Variants in STAT4 observed in about 807,000 individuals in gnomAD.
STAT4 encodes the protein signal transducer and activator of transcription 4.
Under a neutral mutation model 110.5 loss-of-function variants are expected in STAT4, and 42 were observed. That is an observed-to-expected ratio of 0.38 (90% CI 0.30 to 0.49). STAT4 has a LOEUF of 0.49. Among genes scored for constraint, STAT4 ranks in the 20% least tolerant of loss-of-function variants. The pLI, the probability that STAT4 is intolerant of heterozygous loss-of-function variation, is 0.95. For synonymous variants in STAT4, 284 were observed against 302.2 expected (o/e 0.94, Z 0.63); for missense variants, 632 against 887.9 (o/e 0.71, Z 3.66).
At chr2:191,057,916 A>C in intron 13 of STAT4, 102 bp downstream of exon 13, 2 of 1,106,156 alleles carry the variant, frequency 1.8e-6, no homozygotes, top group Non-Finnish European at 2.7e-6. Flanking sequence ...ATTTCAAATA[A>C]GAAATATTTA....
At chr2:191,076,017 T>G in intron 4 of STAT4, 1 of 499,206 alleles carries the variant, frequency 2.0e-6, no homozygotes. Context: ...AGCCAACTAA[T>G]TTTTAATTTT....
At chr2:191,126,485 T>C (rs1428400505) in intron 3 of STAT4, among the ~76,000 whole-genome samples, 1 of 152,242 alleles carries the variant, frequency 6.6e-6, no homozygotes, top group Non-Finnish European at 1.5e-5. Context: ...CAATAGATAG[T>C]GAAAATCAAC....
rs56004412 is a variant in STAT4, at chr2:191,042,776, T to A, written c.1252-1628A>T. On this transcript the variant is annotated intron_variant, in intron 14 of 23. Coordinates refer to ENST00000392320, the MANE Select transcript of STAT4 (RefSeq NM_003151.4). The surrounding 1 kb of genome is among the most constrained non-coding windows in gnomAD (Gnocchi z 4.2). ...GCTTAAATTCATTCATTGTATTCTCTCTTTTTTTTTTTTCTTTTTTGAGAT... is the reference window on the plus strand; with the variant it reads ...GCTTAAATTCATTCATTGTATTCTCACTTTTTTTTTTTTCTTTTTTGAGAT... 3.8e-4 allele frequency among the ~76,000 whole-genome samples: 50 copies of A among 131,760 alleles called. 1 individual carries two copies. Among genetic ancestry groups the A allele is most frequent in the Non-Finnish European group, 5.7e-4 (36 of 63,046 alleles). 86.4% of individuals were successfully genotyped at this position (131,760 alleles called of 152,430 possible).
In STAT4 at chr2:191,090,753, G is replaced by T. The variant is rs1697775405; in HGVS notation, c.274-14428C>A. 6.6e-6 allele frequency among the ~76,000 whole-genome samples: 1 copy of T among 151,988 alleles called. No individual in the cohort carries two copies. The highest frequency in any genetic ancestry group is 2.1e-4 in the South Asian group (1 of 4,824). The stretch of plus-strand genomic sequence containing the variant: ...TTTTTTGTATTTTTAGTAGAGACAG[G>T]GTTTCACCGTGTTAGCCTGACACCG... On this transcript the variant is annotated intron_variant, in intron 3 of 23. Coordinates refer to ENST00000392320, the MANE Select transcript of STAT4 (RefSeq NM_003151.4). The surrounding 1 kb of genome is among the most constrained non-coding windows in gnomAD (Gnocchi z 4.2).
At chr2:191,049,213 C>T (rs565121916) in intron 14 of STAT4, among the ~76,000 whole-genome samples, 11 of 128,330 alleles carry the variant, frequency 8.6e-5, no homozygotes, top group Non-Finnish European at 1.7e-4. Context: ...CTCGCTCTGT[C>T]ACCCAGGCTG....
intron 3 of STAT4, among the ~76,000 whole-genome samples, chr2:191,094,770 G>A (rs1045289368): frequency 6.6e-6 from 1 of 152,020 alleles, no homozygotes; most frequent in Non-Finnish European, 1.5e-5. Context: ...TGGACTGAAT[G>A]CCACAGTTAA....
chr2:191,086,195 A>G lies in STAT4; in HGVS notation c.274-9870T>C, dbSNP rs1697628653. Among the ~76,000 whole-genome samples, 1 of 152,220 alleles carries G rather than the reference A, an allele frequency of 6.6e-6. No individual in the cohort carries two copies. The highest frequency in any genetic ancestry group is 1.5e-5 in the Non-Finnish European group (1 of 68,038). ...CTTTGAGGAATTGGGATTGATGTAC[A>G]GAGCCCATAAAAGCCCTTTGGAAAA... On this transcript the variant is annotated intron_variant, in intron 3 of 23. Coordinates refer to ENST00000392320, the MANE Select transcript of STAT4 (RefSeq NM_003151.4). The surrounding 1 kb of genome is among the most constrained non-coding windows in gnomAD (Gnocchi z 5.5).
At position 191,062,781 on chromosome 2, in the gene STAT4, T is replaced by C. The variant is rs772150342; in HGVS notation, c.922A>G (p.Ile308Val). The C allele has an allele frequency of 6.2e-7, 1 of 1,613,838 alleles. No individual in the cohort carries two copies. Among genetic ancestry groups the C allele is most frequent in the South Asian group, 1.1e-5 (1 of 91,078 alleles). The change falls in exon 9 of 24, where the codon ATC becomes GTC. Residue 308 changes from isoleucine to valine, a missense_variant. Physicochemically the swap from Ile to Val is conservative, Grantham distance 29. Around this residue, in one of 4 missense-constraint regions of STAT4, gnomAD observed 488 missense variants for 632.8 expected, o/e 0.77. Coordinates refer to ENST00000392320, the MANE Select transcript of STAT4 (RefSeq NM_003151.4). This position sits in a 1 kb window ranked among gnomAD's most constrained non-coding sequence, Gnocchi z 4.9. ...THMLERVTFL[I>V]YNLFKNSFVV... ...ACTTACTTCTTGAAAAGGTTGTAGA[T>C]CAAGAAGGTGACTCTTTCTAGCATG... is the stretch of plus-strand genomic sequence containing the variant.
chr2:191,045,339 C>T (rs982644963), intron 14 of STAT4, among the ~76,000 whole-genome samples: 1 of 152,166 alleles, frequency 6.6e-6, no homozygotes, highest in Non-Finnish European at 1.5e-5. Context: ...TCATTCCAGG[C>T]TTACTGAATC....
chr2:191,072,715 T>A (rs1016907835), intron 5 of STAT4, among the ~76,000 whole-genome samples: 10 of 151,818 alleles, frequency 6.6e-5, no homozygotes, highest in Admixed American at 6.6e-4. Context: ...GAGAAAAAAA[T>A]TTATCAATAT....
At chr2:191,075,080 A>G (rs1697273759) in intron 4 of STAT4, among the ~76,000 whole-genome samples, 1 of 152,088 alleles carries the variant, frequency 6.6e-6, no homozygotes, top group African/African-American at 2.4e-5. Flanking sequence ...GAATTGCTTG[A>G]ACCTGGGAGG....
At position 191,030,334 on chromosome 2, in the gene STAT4, A is replaced by T. The variant is rs568691862; in HGVS notation, c.2221-468T>A. Reference sequence around the variant, plus strand: ...TTCTGATGTATGTTCACTTTCATGTAAATTGGGGGTTTGAACCCATTGACA... The same window carrying T: ...TTCTGATGTATGTTCACTTTCATGTTAATTGGGGGTTTGAACCCATTGACA... On this transcript the variant is annotated intron_variant, in intron 23 of 23. Transcript: ENST00000392320. This position sits in a 1 kb window ranked among gnomAD's most constrained non-coding sequence, Gnocchi z 4.4. Among the ~76,000 whole-genome samples the T allele has an allele frequency of 6.6e-6, 1 of 152,368 alleles. No individual in the cohort carries two copies. Among genetic ancestry groups the T allele is most frequent in the Admixed American group, 6.5e-5 (1 of 15,304 alleles).
chr2:191,053,476 C>T lies in STAT4; in HGVS notation c.1251+1014G>A, dbSNP rs527646810. On this transcript the variant is annotated intron_variant, in intron 14 of 23. Transcript: ENST00000392320. This position sits in a 1 kb window ranked among gnomAD's most constrained non-coding sequence, Gnocchi z 4.5. The stretch of plus-strand genomic sequence containing the variant: ...TTGACTTATGCCTTAGTTTCGAGGT[C>T]AGCTCAATAGATGTTCTCCAAGGTC... Among the ~76,000 whole-genome samples the T allele has an allele frequency of 6.6e-6, 1 of 152,324 alleles. No individual in the cohort carries two copies. Among genetic ancestry groups the T allele is most frequent in the Non-Finnish European group, 1.5e-5 (1 of 68,036 alleles).
rs150825175 is a variant in STAT4 at position 191,060,521 on chromosome 2, C to T, written c.1034+1208G>A. 2.6e-3 allele frequency among the ~76,000 whole-genome samples: 394 copies of T among 152,276 alleles called. 2 individuals carry two copies. The highest frequency in any genetic ancestry group is 4.4e-3 in the Non-Finnish European group (298 of 68,022). ...GCAACCTCTACCTACTGGGTTCAAG[C>T]GATTCTCCTGCCTCAGCCTCTTAAG... On this transcript the variant is annotated intron_variant, in intron 10 of 23. Coordinates refer to ENST00000392320, the MANE Select transcript of STAT4 (RefSeq NM_003151.4). This position sits in a 1 kb window ranked among gnomAD's most constrained non-coding sequence, Gnocchi z 4.5.
chr2:191,078,210 A>G (rs1027161120), intron 3 of STAT4, among the ~76,000 whole-genome samples: 2 of 152,166 alleles, frequency 1.3e-5, no homozygotes, highest in African/African-American at 4.8e-5. Flanking sequence ...GAGTTCCTCT[A>G]AGAACCCAAG....
At chr2:191,139,266 AG>A (rs2125440799) in intron 3 of STAT4, among the ~76,000 whole-genome samples, 1 of 152,254 alleles carries the variant, frequency 6.6e-6, no homozygotes, top group South Asian at 2.1e-4. Flanking sequence ...GACAAGAGAA[AG>A]AAATACAAGG....
chr2:191,084,664 G>A (rs952392760), intron 3 of STAT4, among the ~76,000 whole-genome samples: 1 of 151,988 alleles, frequency 6.6e-6, no homozygotes, highest in African/African-American at 2.4e-5. Context: ...TGAAAGGTTT[G>A]AGAAAAATTA....
intron 13 of STAT4, 37 bp downstream of exon 13, chr2:191,057,981 G>A (rs1559047809): frequency 2.0e-6 from 3 of 1,521,038 alleles, no homozygotes; most frequent in East Asian, 2.3e-5. Context: ...TGATTTTGGG[G>A]AAAAAAAAGC....
chr2:191,069,957 T>A (rs977498928), intron 5 of STAT4, among the ~76,000 whole-genome samples, 186 bp from the exon 6 acceptor site: 1 of 152,232 alleles, frequency 6.6e-6, no homozygotes, highest in Non-Finnish European at 1.5e-5. Context: ...AAGAACCAGA[T>A]TGAACTTGCC....
Sources: allele counts gnomAD v4.1 joint callset (sites outside exome capture counted in the v4.1 genomes callset), GRCh38; gene constraint gnomAD v4.1.1; regional missense constraint gnomAD v4.1.1; non-coding constraint Gnocchi (gnomAD v3.1); transcripts MANE v1.5; gene names NCBI Gene and HGNC (gene_info 2026-07-23, HGNC 2026-07-21).